ARFGEF2: variants seen among roughly 807,000 people sequenced by gnomAD.
The protein encoded by ARFGEF2 is brefeldin A-inhibited guanine nucleotide-exchange protein 2.
ARFGEF2 carries 74 observed loss-of-function variants against 219.9 expected under a neutral mutation model. That is an observed-to-expected ratio of 0.34 (90% CI 0.28 to 0.41). The LOEUF (loss-of-function observed/expected upper bound fraction) is 0.41, where lower values mean the gene tolerates loss of function less well. ARFGEF2 is among the 10% of genes least tolerant of loss of function. The probability of loss-of-function intolerance (pLI) is 1.00; values close to 1 mark genes in which losing one functional copy is unlikely to be tolerated. For missense variants in ARFGEF2, 1,743 were observed against 2,218.3 expected, an observed-to-expected ratio of 0.79 and a Z score of 4.30; for synonymous variants, 733 against 799.2, an observed-to-expected ratio of 0.92 and a Z score of 1.40.
rs765568489 is a variant in ARFGEF2, at chr20:48,976,141, C to T, written c.1900C>T (p.Pro634Ser). The change falls in exon 14 of 39, where the codon CCT (proline) becomes TCT (serine). Residue 634 changes from proline to serine, a missense_variant. Coordinates refer to ENST00000371917, the MANE Select transcript of ARFGEF2 (RefSeq NM_006420.3). ...GACCCAGACAACTGTTCAGGATGACCCTGAGCAATTTGAGGTCATCAAGCA... is the reference window on the plus strand; with the variant it reads ...GACCCAGACAACTGTTCAGGATGACTCTGAGCAATTTGAGGTCATCAAGCA... ...SGTQTTVQDD[P>S]EQFEVIKQQK... The T allele has an allele frequency of 3.7e-6, 6 of 1,613,980 alleles. No individual in the cohort carries two copies. The highest frequency in any genetic ancestry group is 5.1e-6 in the Non-Finnish European group (6 of 1,180,038).
chr20:49,012,170 C>T (rs2123522388), intron 28 of ARFGEF2, 86 bp downstream of exon 28: 1 of 1,561,494 alleles, frequency 6.4e-7, no homozygotes, highest in Non-Finnish European at 8.8e-7. Flanking sequence ...AAGAGCTTTC[C>T]AGCTACTCTT....
In ARFGEF2 at chr20:48,984,776, G is replaced by A; in HGVS notation, c.2006G>A (p.Gly669Asp). ...GGGATCCAGTTTCTCCAGGAGCAGGGCATGCTGGGAACGTCAGTTGAAGAC... is the reference window on the plus strand; with the variant it reads ...GGGATCCAGTTTCTCCAGGAGCAGGACATGCTGGGAACGTCAGTTGAAGAC... ...KRGIQFLQEQ[G>D]MLGTSVEDIA... is the part of the protein sequence containing the mutation. Residue 669 changes from glycine to aspartate, a missense_variant, in exon 15 of 39, where the codon GGC (glycine) becomes GAC (aspartate). Coordinates refer to ENST00000371917, the MANE Select transcript of ARFGEF2 (RefSeq NM_006420.3). The A allele has an allele frequency of 1.2e-6, 2 of 1,613,738 alleles. No homozygotes were observed. The highest frequency in any genetic ancestry group is 1.7e-4 in the Middle Eastern group (1 of 5,730).
At position 48,984,758 on chromosome 20, in the gene ARFGEF2, A is replaced by C; in HGVS notation, c.1988A>C (p.Gln663Pro). 20 of 1,613,988 alleles carry C rather than the reference A, an allele frequency of 1.2e-5. No homozygotes were observed. Among genetic ancestry groups the C allele is most frequent in the Non-Finnish European group, 1.6e-5 (19 of 1,180,038 alleles). Reference protein sequence around the residue: ...LFNKKPKRGIQFLQEQGMLGT... With the variant: ...LFNKKPKRGIPFLQEQGMLGT... ...AACAAGAAACCCAAGAGGGGGATCCAGTTTCTCCAGGAGCAGGGCATGCTG... is the reference window on the plus strand; with the variant it reads ...AACAAGAAACCCAAGAGGGGGATCCCGTTTCTCCAGGAGCAGGGCATGCTG... The change falls in exon 15 of 39, where the codon CAG (glutamine) becomes CCG (proline). Residue 663 changes from glutamine (Q) to proline (P), a missense_variant. By Grantham distance (76) the Gln-to-Pro change is moderately conservative. Coordinates refer to ENST00000371917, the MANE Select transcript of ARFGEF2 (RefSeq NM_006420.3).
intron 13 of ARFGEF2, 23 bp downstream of exon 13, chr20:48,974,897 C>G: frequency 6.3e-7 from 1 of 1,579,472 alleles, no homozygotes; most frequent in South Asian, 1.1e-5. Flanking sequence ...TGCTGCCACA[C>G]CCACCTCCAT....
At chr20:48,994,404 C>T in intron 21 of ARFGEF2, 47 bp from the exon 22 acceptor site, 1 of 1,611,432 alleles carries the variant, frequency 6.2e-7, no homozygotes, top group Non-Finnish European at 8.5e-7. Flanking sequence ...TGCCCTTTTT[C>T]TAGCTGTAAG....
Position 49,005,052 on chromosome 20 carries a change from GT to G in ARFGEF2, c.3433-16del. ...ATTACACTATACCTGTTTCACATCA[GT>G]TCCTGTTCTTGTTCAGGTTGGCTGC... On this transcript the variant is annotated splice_polypyrimidine_tract_variant and intron_variant, in intron 25 of 38. Coordinates refer to ENST00000371917, the MANE Select transcript of ARFGEF2 (RefSeq NM_006420.3). 6.2e-7 allele frequency: 1 copy of G among 1,614,124 alleles called. No individual in the cohort carries two copies. Among genetic ancestry groups the G allele is most frequent in the Non-Finnish European group, 8.5e-7 (1 of 1,180,002 alleles).
rs1201948094 is a variant in ARFGEF2, at chr20:49,010,413, C to G, written c.3757+9C>G. 3.1e-6 allele frequency: 5 copies of G among 1,613,120 alleles called. No homozygotes were observed. In the South Asian group the frequency reaches 4.4e-5, roughly 14 times the overall value. On this transcript the variant is annotated intron_variant, in intron 27 of 38. Transcript: ENST00000371917. ...CACTTGCCACATTGTCAGTAAGTGG[C>G]TCTGTTCCCTCCCTACTAATGTCCC...
At chr20:49,016,866 A>G (rs995597702) in intron 31 of ARFGEF2, among the ~76,000 whole-genome samples, 2 of 152,188 alleles carry the variant, frequency 1.3e-5, no homozygotes, top group Admixed American at 1.3e-4. Flanking sequence ...TGAAAAAGTG[A>G]CTTAATTTTA....
chr20:48,973,427 T>G, intron 12 of ARFGEF2, 143 bp downstream of exon 12: 1 of 897,288 alleles, frequency 1.1e-6, no homozygotes, highest in Non-Finnish European at 1.8e-6. Context: ...CCTGCCATCA[T>G]GAAACGACAT....
At chr20:48,940,884 C>G (rs1394240262) in intron 1 of ARFGEF2, among the ~76,000 whole-genome samples, 1 of 152,124 alleles carries the variant, frequency 6.6e-6, no homozygotes, top group Non-Finnish European at 1.5e-5. Flanking sequence ...TTCTTCATCC[C>G]CAAATGTCAG....
intron 23 of ARFGEF2, 33 bp downstream of exon 23, chr20:48,995,915 A>G (rs750431852): frequency 3.1e-6 from 5 of 1,593,876 alleles, no homozygotes; most frequent in Non-Finnish European, 4.3e-6. Flanking sequence ...ACCCTGAACT[A>G]CACAGTGGTT....
chr20:48,974,973 G>T, intron 13 of ARFGEF2, 99 bp downstream of exon 13: 1 of 1,061,684 alleles, frequency 9.4e-7, no homozygotes. Flanking sequence ...AATTGAAAAA[G>T]CCTTTTTAGT....
intron 35 of ARFGEF2, among the ~76,000 whole-genome samples, chr20:49,024,855 G>A (rs1239740830): frequency 1.3e-5 from 2 of 152,192 alleles, no homozygotes; most frequent in Non-Finnish European, 2.9e-5. Context: ...AATGAGCTGG[G>A]CATGGTGGCG....
intron 31 of ARFGEF2, 88 bp downstream of exon 31, chr20:49,016,503 T>G (rs2091531042): frequency 7.2e-7 from 1 of 1,392,318 alleles, no homozygotes; most frequent in South Asian, 1.2e-5. Flanking sequence ...ATGGATGTAG[T>G]GCCATGGAGT....
At chr20:48,984,876 C>G (rs2091317651) in intron 15 of ARFGEF2, 36 bp downstream of exon 15, 2 of 1,612,026 alleles carry the variant, frequency 1.2e-6, no homozygotes, top group East Asian at 4.5e-5. Flanking sequence ...CATGTGAGTT[C>G]TGTCAGGTGA....
rs1461487022 is a variant in ARFGEF2, at chr20:48,933,792, T to TA, written c.122-7406dup. ...CTCTGGAGCATGTGGGGCTGTTTTT[T>TA]ATCACTCCCATTTTTTAGAATAGGA... On this transcript the variant is annotated intron_variant, in intron 1 of 38. Coordinates refer to ENST00000371917, the MANE Select transcript of ARFGEF2 (RefSeq NM_006420.3). Among the ~76,000 whole-genome samples, 3 of 152,130 alleles carry TA rather than the reference T, an allele frequency of 2.0e-5. No individual in the cohort carries two copies. The East Asian group carries it at 5.8e-4, about 30-fold the overall frequency.
At chr20:49,022,063 G>A (rs1004743787) in intron 34 of ARFGEF2, among the ~76,000 whole-genome samples, 1 of 147,324 alleles carries the variant, frequency 6.8e-6, no homozygotes, top group African/African-American at 2.5e-5. Flanking sequence ...GCTGAGGCGG[G>A]AGAATCACTT....
At chr20:49,022,829 G>A (rs535111488) in intron 34 of ARFGEF2, among the ~76,000 whole-genome samples, 1 of 151,796 alleles carries the variant, frequency 6.6e-6, no homozygotes, top group South Asian at 2.1e-4. Flanking sequence ...CAAGAATTGT[G>A]CCTTGACTGG....
In ARFGEF2 at chr20:49,005,151, G is replaced by A; in HGVS notation, c.3514G>A (p.Gly1172Ser). 6.2e-7 allele frequency: 1 copy of A among 1,614,130 alleles called. No individual in the cohort carries two copies. The highest frequency in any genetic ancestry group is 8.5e-7 in the Non-Finnish European group (1 of 1,180,018). Residue 1172 changes from glycine (G) to serine (S), a missense_variant, in exon 26 of 39, where the codon GGT (glycine) becomes AGT (serine). Physicochemically the swap from Gly to Ser is moderately conservative, Grantham distance 56 (BLOSUM62 0). Around this residue, in one of 5 missense-constraint regions of ARFGEF2, gnomAD observed 102 missense variants for 146.8 expected, o/e 0.69. Coordinates refer to ENST00000371917, the MANE Select transcript of ARFGEF2 (RefSeq NM_006420.3). Reference protein sequence around the residue: ...RQLSMKFLEKGELANFRFQKD... With the variant: ...RQLSMKFLEKSELANFRFQKD... ...ACTCTCCATGAAGTTTCTTGAGAAG[G>A]GTGAATTAGCCAACTTCCGTTTCCA...
Sources: allele counts gnomAD v4.1 joint callset (sites outside exome capture counted in the v4.1 genomes callset), GRCh38; gene constraint gnomAD v4.1.1; regional missense constraint gnomAD v4.1.1; transcripts MANE v1.5; gene names NCBI Gene and HGNC (gene_info 2026-07-23, HGNC 2026-07-21).